Variants in USP40 observed in about 807,000 individuals in gnomAD.
USP40 encodes ubiquitin carboxyl-terminal hydrolase 40.
In USP40, 143 loss-of-function variants were observed where a neutral mutation model predicts 166.2. That is an observed-to-expected ratio of 0.86 (90% CI 0.75 to 0.99). The LOEUF (loss-of-function observed/expected upper bound fraction) is 0.99. Ranked by LOEUF, USP40 falls within the 50% of genes least tolerant of loss-of-function variation. The pLI, the probability that USP40 is intolerant of heterozygous loss-of-function variation, is 0.00. For synonymous variants in USP40, 498 were observed against 524.0 expected (o/e 0.95, Z 0.68); for missense variants, 1,444 against 1,479.7 (o/e 0.98, Z 0.40).
intron 5 of USP40, 166 bp downstream of exon 5, chr2:233,556,689 C>G (rs1008044430): frequency 1.7e-5 from 9 of 516,062 alleles, no homozygotes; most frequent in Middle Eastern, 5.7e-4. Context: ...ATGGAGAAAT[C>G]TGGATTATAG....
intron 30 of USP40, chr2:233,481,523 T>C (rs1485886645): frequency 1.9e-6 from 1 of 537,400 alleles, no homozygotes; most frequent in Non-Finnish European, 3.3e-6. Flanking sequence ...ATCTGACCTT[T>C]CCCTTCAGCT....
At chr2:233,563,818 G>T (rs1156307879) in intron 2 of USP40, among the ~76,000 whole-genome samples, 1 of 152,142 alleles carries the variant, frequency 6.6e-6, no homozygotes, top group African/African-American at 2.4e-5. Context: ...CAAATCATAT[G>T]CTTGGCCAGC....
rs73996106 is a variant in USP40 at position 233,540,515 on chromosome 2, T to C, written c.1170+147A>G. 6.9e-3 allele frequency: 3,594 copies of C among 521,362 alleles called. 105 individuals carry two copies. Among genetic ancestry groups the C allele is most frequent in the African/African-American group, 0.063 (3,243 of 51,436 alleles). The allele number at this position is 521,362 out of a possible 1,614,324, so 32.3% of individuals were successfully genotyped here. ...AACTCAGTAAGTAATACTTAATAAG[T>C]AACTTAGTAGGATTCTAGCCATTAT... On this transcript the variant is annotated intron_variant, in intron 10 of 31. Transcript: ENST00000678225.
At chr2:233,523,108 G>T (rs2125224523) in intron 16 of USP40, 62 bp downstream of exon 16, 2 of 1,494,264 alleles carry the variant, frequency 1.3e-6, no homozygotes, top group Non-Finnish European at 1.8e-6. Flanking sequence ...TTAGAGTTCT[G>T]CTGGGTGGTA....
chr2:233,563,468 T>G (rs2071847153), intron 2 of USP40, among the ~76,000 whole-genome samples: 1 of 152,174 alleles, frequency 6.6e-6, no homozygotes, highest in Non-Finnish European at 1.5e-5. Flanking sequence ...ATGGGATAAA[T>G]GTGTCTCCCT....
chr2:233,512,823 C>A (rs1249160722), intron 18 of USP40: 32 of 296,266 alleles, frequency 1.1e-4, no homozygotes, highest in Admixed American at 9.7e-4. Context: ...AAAGAAAAAA[C>A]CCCCAAAATA....
intron 14 of USP40, among the ~76,000 whole-genome samples, 200 bp from the exon 15 acceptor site, chr2:233,524,762 T>C (rs919976286): frequency 1.3e-5 from 2 of 152,214 alleles, no homozygotes; most frequent in African/African-American, 4.8e-5. Context: ...GTGAGCATGG[T>C]GGCAGGACAA....
chr2:233,489,194 A>G (rs1298591492), intron 27 of USP40, among the ~76,000 whole-genome samples, 171 bp downstream of exon 27: 1 of 152,246 alleles, frequency 6.6e-6, no homozygotes. Context: ...GGAAAACTGA[A>G]GGCCTGCTGG....
Position 233,493,925 on chromosome 2 carries a change from G to C in USP40, c.2791-374C>G, listed in dbSNP as rs754851177. 2.0e-5 allele frequency among the ~76,000 whole-genome samples: 3 copies of C among 152,138 alleles called. No individual in the cohort carries two copies. The highest frequency in any genetic ancestry group is 4.4e-5 in the Non-Finnish European group (3 of 68,030). ...AGTGCAGTTTATCACACAGATGCAA[G>C]AGCCCATTGATCTAATGGGTTTCTG... On this transcript the variant is annotated intron_variant, in intron 24 of 31. Coordinates refer to ENST00000678225, the MANE Select transcript of USP40 (RefSeq NM_001365479.2). This position sits in a 1 kb window ranked among gnomAD's most constrained non-coding sequence, Gnocchi z 4.7.
intron 18 of USP40, among the ~76,000 whole-genome samples, chr2:233,513,729 G>A (rs1370226931): frequency 1.3e-5 from 2 of 152,086 alleles, no homozygotes. Flanking sequence ...GCCAGCATGT[G>A]CTATGTTTGA....
In USP40 at chr2:233,486,333, CAGG is replaced by C. The variant is rs2064946427; in HGVS notation, c.3198-359_3198-357del. Among the ~76,000 whole-genome samples, 1 of 152,124 alleles carries C rather than the reference CAGG, an allele frequency of 6.6e-6. No individual in the cohort carries two copies. Among genetic ancestry groups the C allele is most frequent in the Non-Finnish European group, 1.5e-5 (1 of 68,020 alleles). On this transcript the variant is annotated intron_variant, in intron 28 of 31. Transcript: ENST00000678225. This position sits in a 1 kb window ranked among gnomAD's most constrained non-coding sequence, Gnocchi z 4.0. ...CCTGGCTTGATAGCCCGGCAGCTGG[CAGG>C]AGGAGAGCGGGCTCGAGGTAGGCAG...
At chr2:233,558,454 T>A (rs549219408) in intron 4 of USP40, among the ~76,000 whole-genome samples, 23 of 151,644 alleles carry the variant, frequency 1.5e-4, no homozygotes, top group African/African-American at 5.6e-4. Flanking sequence ...TATCGACACA[T>A]ACTACAACAT....
At chr2:233,546,801 G>C (rs1252358434) in intron 8 of USP40, 2 of 152,170 alleles carry the variant, frequency 1.3e-5, no homozygotes, top group East Asian at 3.8e-4. Context: ...GAGTGAGAAG[G>C]CCACTTTCTT....
chr2:233,481,639 C>T (rs535881476), intron 30 of USP40: 39 of 284,470 alleles, frequency 1.4e-4, no homozygotes, highest in African/African-American at 6.4e-4. Flanking sequence ...CTCATCGCCG[C>T]GCCAGAAGCA....
intron 20 of USP40, among the ~76,000 whole-genome samples, chr2:233,510,348 T>C (rs1308505880): frequency 6.6e-6 from 1 of 151,352 alleles, no homozygotes; most frequent in Admixed American, 6.6e-5. Flanking sequence ...CAATGTTTTT[T>C]ACTCCTAATA....
intron 19 of USP40, 70 bp from the exon 20 acceptor site, chr2:233,511,867 A>T: frequency 1.6e-6 from 2 of 1,248,368 alleles, no homozygotes; most frequent in Non-Finnish European, 2.2e-6. Flanking sequence ...AAATGCTGAA[A>T]TCAGTATTTC....
intron 21 of USP40, among the ~76,000 whole-genome samples, chr2:233,509,162 T>A (rs1384894818): frequency 1.3e-5 from 2 of 152,192 alleles, no homozygotes; most frequent in Admixed American, 1.3e-4. Flanking sequence ...CCAACCTGTA[T>A]CAGGGGACAG....
intron 31 of USP40, among the ~76,000 whole-genome samples, chr2:233,479,659 GTC>G (rs1491087815): frequency 6.6e-6 from 1 of 151,346 alleles, no homozygotes; most frequent in Non-Finnish European, 1.5e-5. Context: ...GTGTGTGTGT[GTC>G]TGACCTTTAA....
At chr2:233,565,826 G>A (rs933649877) in intron 1 of USP40, among the ~76,000 whole-genome samples, 1 of 151,932 alleles carries the variant, frequency 6.6e-6, no homozygotes, top group Admixed American at 6.6e-5. Flanking sequence ...CTGTCTCTTC[G>A]GGTCATTTAA....
Sources: allele counts gnomAD v4.1 joint callset (sites outside exome capture counted in the v4.1 genomes callset), GRCh38; gene constraint gnomAD v4.1.1; non-coding constraint Gnocchi (gnomAD v3.1); transcripts MANE v1.5; gene names NCBI Gene and HGNC (gene_info 2026-07-23, HGNC 2026-07-21).